IKBKB: variants seen among roughly 807,000 people sequenced by gnomAD.
IKBKB encodes inhibitor of nuclear factor kappa-B kinase subunit beta.
A neutral mutation model predicts 113.6 loss-of-function variants in IKBKB; 42 were observed. The observed-to-expected ratio is 0.37, with a 90% CI of 0.29 to 0.48. The LOEUF (loss-of-function observed/expected upper bound fraction) is 0.48, where lower values mean the gene tolerates loss of function less well. Among genes scored for constraint, IKBKB ranks in the 20% least tolerant of loss-of-function variants. IKBKB has a pLI of 0.99. For synonymous variants in IKBKB, 296 were observed against 361.3 expected (o/e 0.82, Z 2.05); for missense variants, 673 against 939.7 (o/e 0.72, Z 3.71).
At chr8:42,290,698 C>A (rs1027979710) in intron 4 of IKBKB, among the ~76,000 whole-genome samples, 1 of 152,168 alleles carries the variant, frequency 6.6e-6, no homozygotes, top group African/African-American at 2.4e-5. Flanking sequence ...GCACCACACA[C>A]GGGGGCAGGG....
At chr8:42,319,183 T>G in intron 13 of IKBKB, 87 bp from the exon 14 acceptor site, 56 of 1,232,444 alleles carry the variant, frequency 4.5e-5, no homozygotes, top group Non-Finnish European at 6.1e-5. Context: ...GGACCTCCCT[T>G]GACATTTGAG....
At chr8:42,329,088 A>G (rs201666617) in intron 20 of IKBKB, 36 bp from the exon 21 acceptor site, 3 of 1,545,476 alleles carry the variant, frequency 1.9e-6, no homozygotes, top group South Asian at 2.3e-5. Flanking sequence ...ATAACTAATA[A>G]TGACCACTTT....
intron 19 of IKBKB, chr8:42,325,130 A>C (rs1820498833): frequency 1.4e-6 from 1 of 707,180 alleles, no homozygotes; most frequent in African/African-American, 1.9e-5. Context: ...CAGGGCAGAG[A>C]TCAGCAGAGG....
intron 4 of IKBKB, among the ~76,000 whole-genome samples, chr8:42,292,539 A>G (rs1446641290): frequency 1.3e-5 from 2 of 152,218 alleles, no homozygotes; most frequent in African/African-American, 2.4e-5. Context: ...ACCCGTGGGC[A>G]TGGAGAGGCA....
At position 42,271,478 on chromosome 8, in the gene IKBKB, C is replaced by T. The variant is rs997726558; in HGVS notation, c.-19+9C>T. On this transcript the variant is annotated intron_variant, in intron 1 of 21. Transcript: ENST00000520810. ...CGCGTCCCTGCCGACAGGTGAGTCC[C>T]CCTCGTGGGTGCGGCCCGGGTGCCA... The T allele has an allele frequency of 8.6e-7, 1 of 1,168,254 alleles. No individual in the cohort carries two copies. Among genetic ancestry groups the T allele is most frequent in the African/African-American group, 1.6e-5 (1 of 63,630 alleles). The allele number at this position is 1,168,254 out of a possible 1,614,324, so 72.4% of individuals were successfully genotyped here.
At chr8:42,298,301 C>A in intron 5 of IKBKB, 1 of 985,364 alleles carries the variant, frequency 1.0e-6, no homozygotes, top group Non-Finnish European at 1.2e-6. Context: ...CTGCAGGTGG[C>A]CAGTCTGCTG....
chr8:42,306,601 C>G (rs1816578200), intron 7 of IKBKB, among the ~76,000 whole-genome samples, 169 bp downstream of exon 7: 2 of 152,184 alleles, frequency 1.3e-5, no homozygotes, highest in African/African-American at 4.8e-5. Flanking sequence ...TTTTTGCCAC[C>G]AGATGCCCTG....
Position 42,322,559 on chromosome 8 carries a change from C to T in IKBKB, c.1986+65C>T. ...CCTCCTGTGCCTTTCCACCTCTGTGCACTGCCGCCATCCCACACGGGACAC... is the reference window on the plus strand; with the variant it reads ...CCTCCTGTGCCTTTCCACCTCTGTGTACTGCCGCCATCCCACACGGGACAC... On this transcript the variant is annotated intron_variant, in intron 19 of 21. Transcript: ENST00000520810. 3.2e-6 allele frequency: 5 copies of T among 1,549,282 alleles called. No homozygotes were observed. The East Asian group carries it at 9.0e-5, about 28-fold the overall frequency.
At chr8:42,326,905 G>A (rs924068992) in intron 20 of IKBKB, among the ~76,000 whole-genome samples, 1 of 152,114 alleles carries the variant, frequency 6.6e-6, no homozygotes, top group East Asian at 1.9e-4. Context: ...AGGGCTCTAT[G>A]GGTTCCTGCA....
At chr8:42,278,668 G>A (rs928044124) in intron 2 of IKBKB, among the ~76,000 whole-genome samples, 4 of 151,390 alleles carry the variant, frequency 2.6e-5, no homozygotes, top group South Asian at 2.1e-4. Flanking sequence ...TTTTGGAGTC[G>A]TCTAGGTGAG....
At chr8:42,320,867 CT>C in intron 16 of IKBKB, 23 bp downstream of exon 16, 3 of 1,485,262 alleles carry the variant, frequency 2.0e-6, no homozygotes, top group Non-Finnish European at 2.8e-6. Context: ...TGGGGGGCCC[CT>C]CTGTGCCCAG....
intron 7 of IKBKB, among the ~76,000 whole-genome samples, 156 bp from the exon 8 acceptor site, chr8:42,308,745 G>A (rs938460238): frequency 6.6e-6 from 1 of 152,138 alleles, no homozygotes; most frequent in Non-Finnish European, 1.5e-5. Flanking sequence ...TGATATACCC[G>A]CTAAACATGC....
chr8:42,308,315 T>A (rs2130555319), intron 7 of IKBKB, among the ~76,000 whole-genome samples: 1 of 151,358 alleles, frequency 6.6e-6, no homozygotes, highest in African/African-American at 2.4e-5. Context: ...TTTTTTTTTT[T>A]TAGACAGAGT....
chr8:42,301,347 A>G (rs3810902), intron 5 of IKBKB, among the ~76,000 whole-genome samples: 2 of 152,288 alleles, frequency 1.3e-5, no homozygotes, highest in East Asian at 3.9e-4. Context: ...ATTCAACAGT[A>G]TTTTTCTTCA....
chr8:42,329,112 C>T lies in IKBKB; in HGVS notation c.2115-12C>T. ...AATGACCACTTTCTAATAATTTGAT[C>T]ATTTTCTTTAGTGAAGAACTGGTGG... On this transcript the variant is annotated splice_polypyrimidine_tract_variant and intron_variant, in intron 20 of 21. Transcript: ENST00000520810. The T allele has an allele frequency of 3.1e-6, 5 of 1,598,896 alleles. No individual in the cohort carries two copies. The highest frequency in any genetic ancestry group is 4.3e-6 in the Non-Finnish European group (5 of 1,173,432).
At position 42,316,092 on chromosome 8, in the gene IKBKB, C is replaced by A; in HGVS notation, c.801-118C>A. 1 of 1,071,486 alleles carries A rather than the reference C, an allele frequency of 9.3e-7. No homozygotes were observed. The highest frequency in any genetic ancestry group is 1.3e-6 in the Non-Finnish European group (1 of 745,984). The allele number at this position is 1,071,486 out of a possible 1,614,324, so 66.4% of individuals were successfully genotyped here. A position where few individuals can be genotyped will look rare whatever the true frequency, so the allele number is the denominator to read the frequency against. On this transcript the variant is annotated intron_variant, in intron 9 of 21. Coordinates refer to ENST00000520810, the MANE Select transcript of IKBKB (RefSeq NM_001556.3). The surrounding 1 kb of genome is among the most constrained non-coding windows in gnomAD (Gnocchi z 4.5). ...AATGTTTATACTGTTTCTGATAAAC[C>A]CATTTTCATTTTCAATCACCGTCTA...
At chr8:42,272,301 T>C (rs1807953579) in intron 2 of IKBKB, 96 bp downstream of exon 2, 2 of 1,551,876 alleles carry the variant, frequency 1.3e-6, no homozygotes, top group Non-Finnish European at 8.8e-7. Flanking sequence ...GGGCTCACCT[T>C]TGGCTTTGGT....
In IKBKB at chr8:42,331,049, C is replaced by G; in HGVS notation, c.*70C>G. On this transcript the variant is annotated 3_prime_UTR_variant, in exon 22 of 22. Coordinates refer to ENST00000520810, the MANE Select transcript of IKBKB (RefSeq NM_001556.3). Reference sequence around the variant, plus strand: ...CCTTGTGCAGTGGGGGGACTCGACCCCCTGACATGGGGCTGCCTGGAGCAG... The same window carrying G: ...CCTTGTGCAGTGGGGGGACTCGACCGCCTGACATGGGGCTGCCTGGAGCAG... 6.3e-7 allele frequency: 1 copy of G among 1,591,948 alleles called. No individual in the cohort carries two copies. The highest frequency in any genetic ancestry group is 1.1e-5 in the South Asian group (1 of 89,854).
At position 42,285,818 on chromosome 8, in the gene IKBKB, G is replaced by A. The variant is rs905466731; in HGVS notation, c.106-2816G>A. 2.0e-5 allele frequency among the ~76,000 whole-genome samples: 3 copies of A among 152,194 alleles called. No individual in the cohort carries two copies. In the South Asian group the frequency reaches 6.2e-4, roughly 31 times the overall value. ...CAGGGAAAGAAGCCTGTCACAAAAG[G>A]CCACATGATATATGATTCCATTTAT... is the stretch of plus-strand genomic sequence containing the variant. On this transcript the variant is annotated intron_variant, in intron 2 of 21. Coordinates refer to ENST00000520810, the MANE Select transcript of IKBKB (RefSeq NM_001556.3).
Sources: gnomAD v4.1 joint callset for allele counts (sites outside exome capture counted in the v4.1 genomes callset) on GRCh38, gnomAD v4.1.1 for gene constraint, Gnocchi (gnomAD v3.1) non-coding constraint, MANE v1.5 for transcripts, NCBI Gene and HGNC (gene_info 2026-07-23, HGNC 2026-07-21) for gene names.